RUVBL2: variants seen among roughly 807,000 people sequenced by gnomAD.
RUVBL2 encodes RuvB like AAA ATPase 2, also known as ruvB-like 2.
RUVBL2 carries 9 observed loss-of-function variants against 57.9 expected under a neutral mutation model. The observed-to-expected ratio is 0.16, with a 90% CI of 0.09 to 0.27. The LOEUF is 0.27. Among genes scored for constraint, RUVBL2 ranks in the 10% least tolerant of loss-of-function variants. The pLI is 1.00. For missense variants in RUVBL2, 456 were observed against 669.6 expected, an observed-to-expected ratio of 0.68 and a Z score of 3.52; for synonymous variants, 278 against 264.6, an observed-to-expected ratio of 1.05 and a Z score of -0.49.
At chr19:48,994,076 G>A in intron 1 of RUVBL2, 153 bp downstream of exon 1, 1 of 465,012 alleles carries the variant, frequency 2.2e-6, no homozygotes, top group South Asian at 2.2e-5. Context: ...CGGCCACCCA[G>A]ATCTGGGGGA....
chr19:49,007,767 C>T (rs1379282647), intron 6 of RUVBL2, among the ~76,000 whole-genome samples: 1 of 152,024 alleles, frequency 6.6e-6, no homozygotes. Context: ...TGCAGTGGTG[C>T]AATCTCGGCT....
At chr19:49,001,420 C>T (rs2039179257) in intron 2 of RUVBL2, 2 of 150,410 alleles carry the variant, frequency 1.3e-5, no homozygotes, top group African/African-American at 4.9e-5. Flanking sequence ...CCTCGGCCTC[C>T]CAAAGTGCTG....
intron 4 of RUVBL2, among the ~76,000 whole-genome samples, chr19:49,006,286 T>G (rs1414218914): frequency 6.6e-6 from 1 of 152,262 alleles, no homozygotes; most frequent in Admixed American, 6.5e-5. Context: ...GACCAAACCT[T>G]GTGGCCAGGG....
At chr19:48,995,509 T>C (rs997039134) in intron 1 of RUVBL2, among the ~76,000 whole-genome samples, 1 of 151,372 alleles carries the variant, frequency 6.6e-6, no homozygotes, top group African/African-American at 2.4e-5. Context: ...GGAGGAGGCT[T>C]CCTCTGGGCT....
intron 11 of RUVBL2, among the ~76,000 whole-genome samples, chr19:49,014,070 T>A (rs2039490679): frequency 6.6e-6 from 1 of 152,048 alleles, no homozygotes. Flanking sequence ...CTAATTGGAG[T>A]GTTCACGATG....
In RUVBL2 at chr19:49,004,353, A is replaced by G. The variant is rs774634232; in HGVS notation, c.200A>G (p.Lys67Arg). 6.2e-7 allele frequency: 1 copy of G among 1,613,116 alleles called. No individual in the cohort carries two copies. Among genetic ancestry groups the G allele is most frequent in the East Asian group, 2.2e-5 (1 of 44,852 alleles). Residue 67 changes from lysine to arginine, a missense_variant, in exon 4 of 15, where the codon AAG (lysine) becomes AGG (arginine). By Grantham distance (26) the Lys-to-Arg change is conservative. This residue lies in a region of RUVBL2 where 233 missense variants were observed against 306.0 expected (regional missense o/e 0.76). Transcript: ENST00000595090. ...GTGCTGGAGATGATCCGGGAAGGGA[A>G]GATTGCCGGTCGGGCAGTCCTTATT... The part of the protein sequence containing the change: ...GVVLEMIREG[K>R]IAGRAVLIAG...
chr19:49,013,018 CA>C (rs1445641335), intron 11 of RUVBL2, among the ~76,000 whole-genome samples: 2 of 152,266 alleles, frequency 1.3e-5, no homozygotes, highest in African/African-American at 2.4e-5. Flanking sequence ...GGCTGGAGTG[CA>C]GTGGCACGAT....
Position 49,015,054 on chromosome 19 carries a change from C to T in RUVBL2, c.1155C>T (p.Asp385=), listed in dbSNP as rs532281116. The T allele has an allele frequency of 1.1e-5, 17 of 1,607,334 alleles. No homozygotes were observed. Among genetic ancestry groups the T allele is most frequent in the South Asian group, 4.5e-5 (4 of 89,824 alleles). The change falls in exon 13 of 15, where the codon GAC becomes GAT. Residue 385 remains aspartate (D), a synonymous_variant. Transcript: ENST00000595090. ...AAGAAGATGTGGAGATGAGTGAGGA[C>T]GCCTACACGGTGCTGACCCGCATCG... ...CEEEDVEMSE[D]AYTVLTRIGL...
At chr19:49,013,237 CAG>C (rs1409298164) in intron 11 of RUVBL2, among the ~76,000 whole-genome samples, 8 of 151,690 alleles carry the variant, frequency 5.3e-5, no homozygotes, top group African/African-American at 1.9e-4. Context: ...GTTGAGATTA[CAG>C]GGGTGAGTCA....
At chr19:48,998,123 C>G (rs533753163) in intron 1 of RUVBL2, among the ~76,000 whole-genome samples, 1 of 152,176 alleles carries the variant, frequency 6.6e-6, no homozygotes, top group Non-Finnish European at 1.5e-5. Flanking sequence ...CCCAGGGAGG[C>G]CTTTCATCTG....
In RUVBL2 at chr19:49,014,504, A is replaced by G; in HGVS notation, c.1022A>G (p.Gln341Arg). 6.2e-7 allele frequency: 1 copy of G among 1,614,054 alleles called. No homozygotes were observed. Among genetic ancestry groups the G allele is most frequent in the Non-Finnish European group, 8.5e-7 (1 of 1,179,962 alleles). ...CTCAGAATCCGGGGCACCAGCTACC[A>G]GAGCCCTCACGGCATCCCCATAGAC... is the stretch of plus-strand genomic sequence containing the variant. ...GITRIRGTSY[Q>R]SPHGIPIDLL... Residue 341 changes from glutamine to arginine, a missense_variant, in exon 12 of 15, where the codon CAG becomes CGG. By Grantham distance (43) the Gln-to-Arg change is conservative. This residue lies in a region of RUVBL2 where 130 missense variants were observed against 243.0 expected (regional missense o/e 0.53). Transcript: ENST00000595090.
Position 48,998,021 on chromosome 19 carries a change from G to A in RUVBL2, c.13-1298G>A, listed in dbSNP as rs745703971. ...CGAGGTGAACAAGAGAGAACAGGCC[G>A]TGCCCTTCATGGGACTCATGTCCAC... On this transcript the variant is annotated intron_variant, in intron 1 of 14. Transcript: ENST00000595090. Among the ~76,000 whole-genome samples the A allele has an allele frequency of 4.8e-4, 73 of 152,210 alleles. 2 individuals carry two copies. The highest frequency in any genetic ancestry group is 1.3e-4 in the Non-Finnish European group (9 of 68,050).
intron 6 of RUVBL2, 136 bp downstream of exon 6, chr19:49,007,504 C>T (rs1271581266): frequency 2.9e-6 from 2 of 692,618 alleles, no homozygotes; most frequent in Non-Finnish European, 4.8e-6. Flanking sequence ...TACATGCCTA[C>T]AGTAGGAGGT....
At chr19:48,994,083 G>T in intron 1 of RUVBL2, 160 bp downstream of exon 1, 1 of 672,182 alleles carries the variant, frequency 1.5e-6, no homozygotes, top group South Asian at 1.9e-5. Flanking sequence ...CCAGATCTGG[G>T]GGAGAAGGGG....
chr19:48,999,174 G>T, intron 1 of RUVBL2, 145 bp from the exon 2 acceptor site: 1 of 839,098 alleles, frequency 1.2e-6, no homozygotes, highest in Admixed American at 1.8e-5. Context: ...TGACAGGCAA[G>T]AGGGGTGGGG....
At chr19:48,996,668 G>A (rs2039068106) in intron 1 of RUVBL2, among the ~76,000 whole-genome samples, 1 of 152,122 alleles carries the variant, frequency 6.6e-6, no homozygotes, top group East Asian at 1.9e-4. Context: ...TGGGATTACA[G>A]GCACCTGCCA....
At chr19:49,004,540 C>A (rs2039247381) in intron 4 of RUVBL2, 122 bp downstream of exon 4, 1 of 948,292 alleles carries the variant, frequency 1.1e-6, no homozygotes, top group East Asian at 2.5e-5. Flanking sequence ...CTTAAACACT[C>A]AGGATTCATT....
At chr19:49,012,843 CCACACACACA>C (rs58302006) in intron 11 of RUVBL2, among the ~76,000 whole-genome samples, 303 of 141,906 alleles carry the variant, frequency 2.1e-3, no homozygotes, top group African/African-American at 5.9e-3. Flanking sequence ...TCAGTGCCCA[CCACACACACA>C]CACACACACA....
chr19:49,005,130 A>G (rs886600783), intron 4 of RUVBL2, among the ~76,000 whole-genome samples: 2 of 152,084 alleles, frequency 1.3e-5, no homozygotes, highest in African/African-American at 4.8e-5. Context: ...TTGAACTCCT[A>G]TTTATCCTTC....
Sources: gnomAD v4.1 joint callset for allele counts (sites outside exome capture counted in the v4.1 genomes callset) on GRCh38, gnomAD v4.1.1 for gene constraint, gnomAD v4.1.1 regional missense constraint, MANE v1.5 for transcripts, NCBI Gene and HGNC (gene_info 2026-07-23, HGNC 2026-07-21) for gene names.